CYP3A7: variants seen among roughly 807,000 people sequenced by gnomAD.
CYP3A7 encodes cytochrome P450 family 3 subfamily A member 7.
CYP3A7 carries 45 observed loss-of-function variants against 55.2 expected under a neutral mutation model. That is an observed-to-expected ratio of 0.82 (90% CI 0.64 to 1.05). CYP3A7 has a LOEUF of 1.05. Ranked by LOEUF, CYP3A7 falls within the 50% of genes least tolerant of loss-of-function variation. The pLI, the probability that CYP3A7 is intolerant of heterozygous loss-of-function variation, is 0.00. For synonymous variants in CYP3A7, 180 were observed against 207.4 expected (o/e 0.87, Z 1.13); for missense variants, 548 against 605.3 (o/e 0.91, Z 0.99).
intron 8 of CYP3A7, among the ~76,000 whole-genome samples, chr7:99,713,927 G>A (rs2037498): frequency 0.76 from 115,835 of 152,050 alleles, 47,098 homozygotes; most frequent in Non-Finnish European, 0.91. Context: ...CCCCAAATCT[G>A]TACAATCTTC....
At chr7:99,724,011 C>G (rs1303928335) in intron 2 of CYP3A7, among the ~76,000 whole-genome samples, 1 of 152,120 alleles carries the variant, frequency 6.6e-6, no homozygotes, top group Non-Finnish European at 1.5e-5. Context: ...TCCCCTGGGT[C>G]ACAAGTATCA....
chr7:99,705,533 A>T lies in CYP3A7; in HGVS notation c.1479T>A (p.Ala493=), dbSNP rs748227868. 1 of 1,613,752 alleles carries T rather than the reference A, an allele frequency of 6.2e-7. No individual in the cohort carries two copies. Among genetic ancestry groups the T allele is most frequent in the East Asian group, 2.2e-5 (1 of 44,866 alleles). The change falls in exon 13 of 13, where the codon GCT becomes GCA. Residue 493 remains alanine, a synonymous_variant. Coordinates refer to ENST00000336374, the MANE Select transcript of CYP3A7 (RefSeq NM_000765.5). The part of the protein sequence containing the change: ...LLTEKPIVLK[A]ESRDETVSGA ...CACTTACGGTCTCATCCCTTGACTCAGCCTTTAGAACAATGGGTTTTTCTG... is the reference window on the plus strand; with the variant it reads ...CACTTACGGTCTCATCCCTTGACTCTGCCTTTAGAACAATGGGTTTTTCTG...
chr7:99,730,250 A>G (rs1372391245), intron 2 of CYP3A7, among the ~76,000 whole-genome samples: 10 of 152,238 alleles, frequency 6.6e-5, no homozygotes, highest in Admixed American at 6.5e-4. Context: ...AATTTTGTCA[A>G]ATCATCCCCT....
At chr7:99,733,453 A>G (rs1010235140) in intron 1 of CYP3A7, among the ~76,000 whole-genome samples, 4 of 152,144 alleles carry the variant, frequency 2.6e-5, no homozygotes, top group East Asian at 1.9e-4. Flanking sequence ...AAAATCCATC[A>G]TCTATTGCAT....
intron 9 of CYP3A7, 148 bp downstream of exon 9, chr7:99,713,321 T>G: frequency 7.9e-7 from 1 of 1,270,150 alleles, no homozygotes; most frequent in South Asian, 1.3e-5. Context: ...AGAAGTTGCC[T>G]CCAGCTACCA....
At chr7:99,715,661 T>C in intron 7 of CYP3A7, 97 bp downstream of exon 7, 3 of 1,592,372 alleles carry the variant, frequency 1.9e-6, no homozygotes, top group Non-Finnish European at 2.6e-6. Flanking sequence ...CATTAAACTG[T>C]ACATTTTAAG....
chr7:99,732,113 C>A (rs1460769016), intron 1 of CYP3A7, among the ~76,000 whole-genome samples: 1 of 152,138 alleles, frequency 6.6e-6, no homozygotes, highest in Non-Finnish European at 1.5e-5. Context: ...ATCTTAGAGG[C>A]AGTTTCTCAT....
chr7:99,718,099 A>T (rs2151515739), intron 4 of CYP3A7, among the ~76,000 whole-genome samples: 1 of 152,204 alleles, frequency 6.6e-6, no homozygotes, highest in South Asian at 2.1e-4. Flanking sequence ...AGGAAGGGGA[A>T]CATCACACAC....
chr7:99,730,796 A>G, intron 2 of CYP3A7: 1 of 443,236 alleles, frequency 2.3e-6, no homozygotes, highest in South Asian at 2.5e-5. Context: ...TGGTGCTCAC[A>G]AAGTCTGCAC....
intron 6 of CYP3A7, 29 bp downstream of exon 6, chr7:99,717,148 C>T (rs773432797): frequency 1.2e-6 from 2 of 1,613,484 alleles, no homozygotes; most frequent in Non-Finnish European, 1.7e-6. Flanking sequence ...CATGACAGCT[C>T]AGAACCCCAT....
At chr7:99,709,772 A>ATG (rs1428672470) in intron 10 of CYP3A7, among the ~76,000 whole-genome samples, 2 of 61,470 alleles carry the variant, frequency 3.3e-5, no homozygotes, top group South Asian at 8.3e-4. Context: ...TGTATTATAT[A>ATG]TATGTGTGTG....
chr7:99,714,526 A>G (rs760550943), intron 8 of CYP3A7, 29 bp downstream of exon 8: 2 of 1,610,396 alleles, frequency 1.2e-6, no homozygotes, highest in East Asian at 2.2e-5. Flanking sequence ...AAAACTAAAC[A>G]TCCTCCTATA....
chr7:99,734,438 C>A (rs1218422249), intron 1 of CYP3A7, among the ~76,000 whole-genome samples: 1 of 152,018 alleles, frequency 6.6e-6, no homozygotes, highest in African/African-American at 2.4e-5. Context: ...TGGGTACAAA[C>A]CATTGTCTAT....
chr7:99,706,569 C>T (rs1229167234), intron 12 of CYP3A7, among the ~76,000 whole-genome samples: 1 of 152,172 alleles, frequency 6.6e-6, no homozygotes, highest in Non-Finnish European at 1.5e-5. Flanking sequence ...TAGGGTCTTG[C>T]TTAATATGAA....
intron 11 of CYP3A7, 55 bp downstream of exon 11, chr7:99,708,980 A>G: frequency 1.3e-6 from 2 of 1,592,766 alleles, no homozygotes; most frequent in Non-Finnish European, 1.7e-6. Context: ...AGAGAGGCAG[A>G]ATATGCTTGA....
chr7:99,722,120 A>G (rs563599715), intron 3 of CYP3A7, among the ~76,000 whole-genome samples, 176 bp downstream of exon 3: 43 of 152,248 alleles, frequency 2.8e-4, no homozygotes, highest in Non-Finnish European at 5.6e-4. Flanking sequence ...ACAGTTTCCC[A>G]TTCTAATACT....
At chr7:99,713,579 G>A in intron 8 of CYP3A7, 44 bp from the exon 9 acceptor site, 1 of 1,611,896 alleles carries the variant, frequency 6.2e-7, no homozygotes, top group Non-Finnish European at 8.5e-7. Context: ...AGTGACTCGT[G>A]AAGTCAGAAG....
chr7:99,705,272 A>C lies in CYP3A7; in HGVS notation c.*228T>G. On this transcript the variant is annotated 3_prime_UTR_variant, in exon 13 of 13. Coordinates refer to ENST00000336374, the MANE Select transcript of CYP3A7 (RefSeq NM_000765.5). Reference sequence around the variant, plus strand: ...AGTCCTATGAGAAGCAGAGAAGCCAAATCTACTTCCCCAGCACTGATTTGG... The same window carrying C: ...AGTCCTATGAGAAGCAGAGAAGCCACATCTACTTCCCCAGCACTGATTTGG... 1 of 469,796 alleles carries C rather than the reference A, an allele frequency of 2.1e-6. No homozygotes were observed. Among genetic ancestry groups the C allele is most frequent in the Non-Finnish European group, 3.8e-6 (1 of 263,688 alleles). 29.1% of individuals were successfully genotyped at this position (469,796 alleles called of 1,614,324 possible).
In CYP3A7 at chr7:99,709,030, C is replaced by T. The variant is rs760884125; in HGVS notation, c.1253+5G>A. 2.0e-5 allele frequency: 32 copies of T among 1,613,800 alleles called. No individual in the cohort carries two copies. Among genetic ancestry groups the T allele is most frequent in the African/African-American group, 1.7e-4 (13 of 74,902 alleles). On this transcript the variant is annotated splice_donor_5th_base_variant and intron_variant, in intron 11 of 12. Transcript: ENST00000336374. ...GGGAGGGCTCCCTTCCCAGGGGCCTCCTACCTTTCAGGGAGGAACTTCTCA... is the reference window on the plus strand; with the variant it reads ...GGGAGGGCTCCCTTCCCAGGGGCCTTCTACCTTTCAGGGAGGAACTTCTCA...
Sources: gnomAD v4.1 joint callset for allele counts (sites outside exome capture counted in the v4.1 genomes callset) on GRCh38, gnomAD v4.1.1 for gene constraint, MANE v1.5 for transcripts, NCBI Gene and HGNC (gene_info 2026-07-23, HGNC 2026-07-21) for gene names.